Variants in ABTB3 observed in about 807,000 individuals in gnomAD.
ABTB3 encodes the protein ankyrin repeat and BTB domain containing 3, also known as ankyrin repeat- and BTB/POZ domain-containing protein 3.
At chr12:107,615,557 A>G in the ABTB3 span, among the ~76,000 whole-genome samples, 2 of 152,170 alleles carry the variant, frequency 1.3e-5, no homozygotes, top group Non-Finnish European at 2.9e-5. Flanking sequence ...TGTAGAATCC[A>G]TTGGTTTCCA....
chr12:107,485,398 T>TA, the ABTB3 span, among the ~76,000 whole-genome samples: 185 of 152,340 alleles, frequency 1.2e-3, no homozygotes, highest in African/African-American at 4.3e-3. Flanking sequence ...GTTTGGGTTG[T>TA]AAGTGACAAT....
At chr12:107,390,036 CA>C in the ABTB3 span, among the ~76,000 whole-genome samples, 16 of 152,084 alleles carry the variant, frequency 1.1e-4, no homozygotes, top group African/African-American at 3.9e-4. Flanking sequence ...AGCTCAAAAG[CA>C]GAAGCTGCCA....
chr12:107,460,331 C>G, the ABTB3 span, among the ~76,000 whole-genome samples: 694 of 152,304 alleles, frequency 4.6e-3, 8 homozygotes, highest in African/African-American at 0.016. Context: ...TGAAATTATA[C>G]TGAGATTCTG....
the ABTB3 span, among the ~76,000 whole-genome samples, chr12:107,389,338 T>C: frequency 1.3e-5 from 2 of 152,358 alleles, no homozygotes; most frequent in South Asian, 4.1e-4. Context: ...TATTGCATGC[T>C]TTATCTCATT....
chr12:107,604,991 T>C, the ABTB3 span, among the ~76,000 whole-genome samples: 1 of 152,222 alleles, frequency 6.6e-6, no homozygotes, highest in South Asian at 2.1e-4. Context: ...GAGGACATTA[T>C]GTTACGTGAA....
At chr12:107,415,122 TATC>T in the ABTB3 span, among the ~76,000 whole-genome samples, 1 of 152,140 alleles carries the variant, frequency 6.6e-6, no homozygotes, top group African/African-American at 2.4e-5. Flanking sequence ...TTCCTCCACT[TATC>T]ATGCTCATCC....
chr12:107,614,918 G>A, the ABTB3 span: 1 of 650,570 alleles, frequency 1.5e-6, no homozygotes, highest in South Asian at 1.8e-5. Flanking sequence ...TCCCTGCCCT[G>A]TATCACCAGC....
the ABTB3 span, among the ~76,000 whole-genome samples, chr12:107,340,367 C>A: frequency 6.6e-6 from 1 of 152,194 alleles, no homozygotes; most frequent in Non-Finnish European, 1.5e-5. Flanking sequence ...AGGCATCTCA[C>A]ACATTCTCAA....
the ABTB3 span, among the ~76,000 whole-genome samples, chr12:107,450,231 T>C: frequency 2.0e-5 from 3 of 152,142 alleles, no homozygotes. Flanking sequence ...CTTAACAGGA[T>C]GGAGGGAAGT....
the ABTB3 span, among the ~76,000 whole-genome samples, chr12:107,397,106 C>G: frequency 3.3e-5 from 5 of 152,254 alleles, no homozygotes; most frequent in South Asian, 2.1e-4. Flanking sequence ...TGTGCCTCCC[C>G]TTGGAACCCC....
the ABTB3 span, among the ~76,000 whole-genome samples, chr12:107,585,506 A>G: frequency 2.0e-5 from 3 of 152,158 alleles, no homozygotes; most frequent in South Asian, 2.1e-4. Context: ...CCCCTCCCCC[A>G]TCTCACAGGG....
the ABTB3 span, among the ~76,000 whole-genome samples, chr12:107,523,515 CA>C: frequency 6.6e-6 from 1 of 152,166 alleles, no homozygotes; most frequent in East Asian, 1.9e-4. Context: ...CATTAAAATT[CA>C]ATTATCATAA....
the ABTB3 span, among the ~76,000 whole-genome samples, chr12:107,431,687 C>A: frequency 6.6e-6 from 1 of 152,190 alleles, no homozygotes; most frequent in Non-Finnish European, 1.5e-5. Context: ...GGGGTGGGGG[C>A]AGCATGTATG....
chr12:107,478,228 A>G, the ABTB3 span, among the ~76,000 whole-genome samples: 2 of 152,224 alleles, frequency 1.3e-5, no homozygotes, highest in African/African-American at 4.8e-5. Flanking sequence ...AACTATATGC[A>G]GTTATTTTAA....
the ABTB3 span, among the ~76,000 whole-genome samples, chr12:107,522,087 C>G: frequency 6.6e-6 from 1 of 152,064 alleles, no homozygotes; most frequent in African/African-American, 2.4e-5. Context: ...GGTACCTTCT[C>G]CCTGTGTTCT....
the ABTB3 span, among the ~76,000 whole-genome samples, chr12:107,481,929 T>TCTCTCTCTCTG: frequency 1.9e-5 from 1 of 51,772 alleles, no homozygotes. Flanking sequence ...CTCTCTCTCT[T>TCTCTCTCTCTG]TCTTTCTCCC....
At chr12:107,581,132 G>T in the ABTB3 span, 3 of 1,546,252 alleles carry the variant, frequency 1.9e-6, no homozygotes, top group Non-Finnish European at 2.6e-6. Flanking sequence ...CGCGTCTCCG[G>T]GTCCCTCCTC....
At chr12:107,420,263 G>A in the ABTB3 span, among the ~76,000 whole-genome samples, 3 of 152,066 alleles carry the variant, frequency 2.0e-5, no homozygotes, top group Non-Finnish European at 4.4e-5. Context: ...AAACCCTTCT[G>A]CATTCTTGGT....
At chr12:107,627,929 C>T in the ABTB3 span, among the ~76,000 whole-genome samples, 1 of 152,188 alleles carries the variant, frequency 6.6e-6, no homozygotes, top group Admixed American at 6.5e-5. Context: ...ACATCACTTG[C>T]TGGGAGTAGA....
Sources: gnomAD v4.1 joint callset for allele counts (sites outside exome capture counted in the v4.1 genomes callset) on GRCh38, gnomAD v4.1.1 for gene constraint, MANE v1.5 for transcripts, NCBI Gene and HGNC (gene_info 2026-07-23, HGNC 2026-07-21) for gene names.